TENM1: variants seen among roughly 807,000 people sequenced by gnomAD.
TENM1 encodes the protein teneurin transmembrane protein 1.
Under a neutral mutation model 174.8 loss-of-function variants are expected in TENM1, and 35 were observed. That is an observed-to-expected ratio of 0.20 (90% confidence interval 0.15 to 0.27). The LOEUF is 0.27. Among genes scored for constraint, TENM1 ranks in the 10% least tolerant of loss-of-function variants. The pLI, the probability that TENM1 is intolerant of heterozygous loss-of-function variation, is 1.00. For synonymous variants in TENM1, 781 were observed against 798.7 expected (o/e 0.98, Z 0.37); for missense variants, 1,633 against 2,130.1 (o/e 0.77, Z 4.59).
At chrX:124,477,278 G>A (rs1318577983) in intron 22 of TENM1, among the ~76,000 whole-genome samples, 2 of 112,475 alleles carry the variant, frequency 1.8e-5, no homozygotes, top group Non-Finnish European at 1.9e-5. Flanking sequence ...GTATGTAAAC[G>A]CTATCTATGT....
intron 23 of TENM1, among the ~76,000 whole-genome samples, chrX:124,442,377 A>G (rs1351482890): frequency 8.9e-6 from 1 of 112,425 alleles, no homozygotes; most frequent in Non-Finnish European, 1.9e-5. Flanking sequence ...AGAGCTTCAC[A>G]AAACTCACAA....
intron 4 of TENM1, among the ~76,000 whole-genome samples, chrX:124,720,112 T>C (rs768609489): frequency 9.0e-6 from 1 of 111,424 alleles, no homozygotes; most frequent in East Asian, 2.8e-4. Context: ...AAAAATAAAA[T>C]TCGAAGGCCC....
chrX:124,963,232 C>T (rs1171201481), intron 1 of TENM1, among the ~76,000 whole-genome samples: 1 of 112,249 alleles, frequency 8.9e-6, no homozygotes, highest in African/African-American at 3.2e-5. Context: ...TAGCTGTTTA[C>T]TTTTCATCTT....
the TENM1 span, among the ~76,000 whole-genome samples, chrX:125,163,911 T>C: frequency 2.7e-5 from 3 of 111,831 alleles, no homozygotes; most frequent in Non-Finnish European, 1.9e-5. Context: ...CCAATATCTA[T>C]GGAACTCTTA....
intron 3 of TENM1, among the ~76,000 whole-genome samples, chrX:124,797,253 T>C (rs1286165847): frequency 1.8e-5 from 2 of 111,636 alleles, no homozygotes; most frequent in Non-Finnish European, 3.8e-5. Context: ...ACTGGATGGG[T>C]CTGGCTTTCT....
chrX:124,753,351 T>G (rs1453091813), intron 3 of TENM1, among the ~76,000 whole-genome samples: 1 of 106,659 alleles, frequency 9.4e-6, no homozygotes, highest in African/African-American at 3.4e-5. Flanking sequence ...ATCCTGAGAC[T>G]TTGCTGAAGT....
chrX:124,760,622 G>A (rs1391206227), intron 3 of TENM1, among the ~76,000 whole-genome samples: 1 of 111,920 alleles, frequency 8.9e-6, no homozygotes, highest in Non-Finnish European at 1.9e-5. Flanking sequence ...TACCATTCAG[G>A]ACATAGGCAT....
chrX:124,464,812 C>T (rs1225842250), intron 22 of TENM1, among the ~76,000 whole-genome samples: 2 of 112,028 alleles, frequency 1.8e-5, no homozygotes, highest in African/African-American at 3.2e-5. Context: ...TACCTTTCCA[C>T]ACTCTGACCT....
chrX:124,717,529 A>C (rs1401967844), intron 4 of TENM1, among the ~76,000 whole-genome samples: 1 of 111,875 alleles, frequency 8.9e-6, no homozygotes, highest in African/African-American at 3.3e-5. Context: ...TTGAGAATGG[A>C]GCATATCTCT....
intron 11 of TENM1, among the ~76,000 whole-genome samples, chrX:124,617,368 C>T (rs1190157456): frequency 2.7e-5 from 3 of 111,507 alleles, no homozygotes; most frequent in South Asian, 3.8e-4. Context: ...GTAGACTTTC[C>T]GGAGAAAGTT....
intron 3 of TENM1, among the ~76,000 whole-genome samples, chrX:124,796,869 A>G (rs1306859043): frequency 9.0e-6 from 1 of 111,620 alleles, no homozygotes; most frequent in East Asian, 2.8e-4. Flanking sequence ...AATTATATAT[A>G]ACTGAATTTT....
At chrX:125,115,279 A>T in the TENM1 span, among the ~76,000 whole-genome samples, 1 of 111,779 alleles carries the variant, frequency 8.9e-6, no homozygotes, top group Non-Finnish European at 1.9e-5. Context: ...CTCACAGCCA[A>T]TATCATGTTG....
chrX:125,195,842 G>T, the TENM1 span, among the ~76,000 whole-genome samples: 1 of 110,279 alleles, frequency 9.1e-6, no homozygotes, highest in Non-Finnish European at 1.9e-5. Flanking sequence ...CATATATAAA[G>T]AATTGGCCAG....
intron 3 of TENM1, among the ~76,000 whole-genome samples, chrX:124,831,939 T>C (rs868394550): frequency 3.6e-5 from 4 of 112,133 alleles, no homozygotes; most frequent in Non-Finnish European, 7.5e-5. Flanking sequence ...TCAAATGTGC[T>C]TTCTGTGCTC....
At chrX:124,638,943 A>C (rs2050945994) in intron 11 of TENM1, among the ~76,000 whole-genome samples, 1 of 110,097 alleles carries the variant, frequency 9.1e-6, no homozygotes, top group Non-Finnish European at 1.9e-5. Flanking sequence ...TTTCCACCTC[A>C]CCATTCTCAC....
chrX:124,745,834 A>C (rs1231087453), intron 3 of TENM1, among the ~76,000 whole-genome samples: 4 of 104,835 alleles, frequency 3.8e-5, no homozygotes, highest in Admixed American at 2.0e-4. Context: ...TGTTATTCAA[A>C]TATGTCGGGG....
chrX:124,598,665 C>G (rs946715509), intron 11 of TENM1, among the ~76,000 whole-genome samples: 4 of 111,558 alleles, frequency 3.6e-5, no homozygotes, highest in Admixed American at 2.9e-4. Flanking sequence ...CACTTGCTCA[C>G]TTATTTGTAG....
intron 3 of TENM1, among the ~76,000 whole-genome samples, chrX:124,847,044 A>G (rs2056622812): frequency 8.9e-6 from 1 of 111,911 alleles, no homozygotes; most frequent in Non-Finnish European, 1.9e-5. Context: ...TGGAAATGTC[A>G]GTGAGAGTTT....
chrX:124,515,203 A>G (rs12395029), intron 18 of TENM1, among the ~76,000 whole-genome samples: 1,948 of 111,578 alleles, frequency 0.017, 44 homozygotes, highest in African/African-American at 0.059. Flanking sequence ...ATAGCTCAAA[A>G]TAATAAGAGC....
Sources: gnomAD v4.1 joint callset for allele counts (sites outside exome capture counted in the v4.1 genomes callset) on GRCh38, gnomAD v4.1.1 for gene constraint, MANE v1.5 for transcripts, NCBI Gene and HGNC (gene_info 2026-07-23, HGNC 2026-07-21) for gene names.